The following RNGTT variants were observed in gnomAD, a reference collection of about 807,000 sequenced individuals.
The protein encoded by RNGTT is RNA guanylyltransferase and 5'-phosphatase.
Under a neutral mutation model 79.3 loss-of-function variants are expected in RNGTT, and 33 were observed. The ratio of observed to expected loss-of-function variants is 0.42; its 90% CI spans 0.32 to 0.56. The LOEUF is 0.56. RNGTT is among the 20% of genes least tolerant of loss of function. The pLI is 0.17. For synonymous variants in RNGTT, 222 were observed against 235.9 expected (o/e 0.94, Z 0.54); for missense variants, 497 against 739.1 (o/e 0.67, Z 3.80).
chr6:88,814,963 C>T (rs1000863868), intron 11 of RNGTT, among the ~76,000 whole-genome samples: 4 of 152,152 alleles, frequency 2.6e-5, no homozygotes, highest in African/African-American at 7.2e-5. Context: ...GAGGGCCTGG[C>T]CTTTGCCCTC....
At chr6:88,672,001 T>C (rs1774660579) in intron 14 of RNGTT, among the ~76,000 whole-genome samples, 1 of 151,978 alleles carries the variant, frequency 6.6e-6, no homozygotes. Flanking sequence ...CCTGAAACCA[T>C]AAACATTCTA....
chr6:88,727,697 T>C (rs1034842494), intron 13 of RNGTT, among the ~76,000 whole-genome samples: 2 of 152,292 alleles, frequency 1.3e-5, no homozygotes, highest in Non-Finnish European at 2.9e-5. Flanking sequence ...GTGTTTGGCT[T>C]TTTTTGGTCT....
intron 8 of RNGTT, among the ~76,000 whole-genome samples, chr6:88,865,046 C>T (rs1462911378): frequency 6.6e-6 from 1 of 152,030 alleles, no homozygotes; most frequent in East Asian, 1.9e-4. Context: ...CTTAATACCA[C>T]TGAACTGCAT....
chr6:88,853,195 G>T (rs1305027684), intron 9 of RNGTT, among the ~76,000 whole-genome samples: 1 of 152,182 alleles, frequency 6.6e-6, no homozygotes, highest in Non-Finnish European at 1.5e-5. Flanking sequence ...AGAAATAAAT[G>T]AAATTTAACA....
intron 6 of RNGTT, among the ~76,000 whole-genome samples, chr6:88,897,209 C>T (rs1783279728): frequency 6.6e-6 from 1 of 152,172 alleles, no homozygotes; most frequent in Non-Finnish European, 1.5e-5. Context: ...TTTCCTCTGA[C>T]AGCCTCAGTG....
chr6:88,909,134 C>G (rs1183510888), intron 4 of RNGTT, among the ~76,000 whole-genome samples: 1 of 152,148 alleles, frequency 6.6e-6, no homozygotes, highest in East Asian at 1.9e-4. Flanking sequence ...ATGGGTGTGG[C>G]CTGACAGCCA....
rs1777409994 is a variant in RNGTT at position 88,739,730 on chromosome 6, TATATATATATATA to T, written c.1439+30031_1439+30043del. On this transcript the variant is annotated intron_variant, in intron 13 of 15. Transcript: ENST00000369485. The stretch of plus-strand genomic sequence containing the variant: ...TGTAACTGGTGTGAAAAAAATTATA[TATATATATATATA>T]TATATATATATATATATATATATAT... Among the ~76,000 whole-genome samples the T allele has an allele frequency of 3.0e-3, 37 of 12,534 alleles. 1 individual carries two copies. Among genetic ancestry groups the T allele is most frequent in the African/African-American group, 9.2e-3 (37 of 4,028 alleles). 8.2% of individuals were successfully genotyped at this position (12,534 alleles called of 152,430 possible). A position where few individuals can be genotyped will look rare whatever the true frequency, so the allele number is the denominator to read the frequency against.
intron 5 of RNGTT, 114 bp downstream of exon 5, chr6:88,906,251 A>T: frequency 1.6e-6 from 1 of 644,530 alleles, no homozygotes; most frequent in Non-Finnish European, 2.7e-6. Context: ...AGCAGTTCAA[A>T]TTACATTAAT....
intron 14 of RNGTT, among the ~76,000 whole-genome samples, chr6:88,641,722 A>G (rs981147327): frequency 6.6e-6 from 1 of 152,172 alleles, no homozygotes; most frequent in Non-Finnish European, 1.5e-5. Context: ...CTGCTGCCAC[A>G]GTGAAGAAAG....
intron 12 of RNGTT, among the ~76,000 whole-genome samples, chr6:88,770,354 C>T (rs1778610158): frequency 6.6e-6 from 1 of 152,172 alleles, no homozygotes; most frequent in Non-Finnish European, 1.5e-5. Context: ...CAACAGTGAT[C>T]TGCTTTCTAC....
At chr6:88,667,161 T>A (rs184451884) in intron 14 of RNGTT, among the ~76,000 whole-genome samples, 8 of 152,062 alleles carry the variant, frequency 5.3e-5, no homozygotes, top group Non-Finnish European at 5.9e-5. Flanking sequence ...GCCCCTCTGC[T>A]CTCTCAGGCA....
intron 12 of RNGTT, among the ~76,000 whole-genome samples, chr6:88,771,319 A>G (rs796622075): frequency 0.033 from 1,368 of 41,320 alleles, 4 homozygotes; most frequent in South Asian, 0.047. Context: ...GTGTGTGTAT[A>G]TATATATATA....
intron 11 of RNGTT, among the ~76,000 whole-genome samples, chr6:88,835,936 C>A (rs1044716758): frequency 6.2e-4 from 92 of 147,264 alleles, no homozygotes; most frequent in Non-Finnish European, 7.0e-4. Context: ...GAGTTTGAGA[C>A]CAGCCTGGGC....
chr6:88,879,641 A>T (rs912678633), intron 8 of RNGTT, among the ~76,000 whole-genome samples: 1 of 152,218 alleles, frequency 6.6e-6, no homozygotes, highest in African/African-American at 2.4e-5. Context: ...TTACATAAAA[A>T]ATCTTGTCAA....
At chr6:88,851,445 G>A (rs765771228) in intron 9 of RNGTT, among the ~76,000 whole-genome samples, 3 of 151,782 alleles carry the variant, frequency 2.0e-5, no homozygotes, top group Non-Finnish European at 4.4e-5. Context: ...AGCATGTAGT[G>A]TTTTATAAAA....
intron 12 of RNGTT, among the ~76,000 whole-genome samples, chr6:88,774,284 T>A (rs988203436): frequency 6.6e-6 from 1 of 151,216 alleles, no homozygotes; most frequent in East Asian, 1.9e-4. Flanking sequence ...TCATACTAAC[T>A]AGGGTGACTA....
intron 4 of RNGTT, among the ~76,000 whole-genome samples, chr6:88,909,650 A>C (rs1166687721): frequency 1.3e-5 from 2 of 152,156 alleles, no homozygotes; most frequent in African/African-American, 4.8e-5. Flanking sequence ...TTAAGAACAG[A>C]CTATGAGAGA....
At chr6:88,729,838 A>C (rs998623556) in intron 13 of RNGTT, among the ~76,000 whole-genome samples, 6 of 152,202 alleles carry the variant, frequency 3.9e-5, no homozygotes, top group Non-Finnish European at 5.9e-5. Flanking sequence ...TTAGCCAACA[A>C]CTCAGGGGTA....
chr6:88,860,035 T>C (rs761713619), intron 8 of RNGTT, among the ~76,000 whole-genome samples: 2 of 152,168 alleles, frequency 1.3e-5, no homozygotes, highest in East Asian at 3.8e-4. Flanking sequence ...CATCACCACA[T>C]AATGTATACC....
Sources: gnomAD v4.1 joint callset for allele counts (sites outside exome capture counted in the v4.1 genomes callset) on GRCh38, gnomAD v4.1.1 for gene constraint, MANE v1.5 for transcripts, NCBI Gene and HGNC (gene_info 2026-07-23, HGNC 2026-07-21) for gene names.